The following CDH12 variants were observed in gnomAD, a reference collection of about 807,000 sequenced individuals.
CDH12 encodes the protein cadherin-12.
CDH12 carries 41 observed loss-of-function variants against 74.1 expected under a neutral mutation model. That is an observed-to-expected ratio of 0.55 (90% CI 0.43 to 0.72). CDH12 has a LOEUF of 0.72. Ranked by LOEUF, CDH12 falls within the 30% of genes least tolerant of loss-of-function variation. CDH12 has a pLI of 0.00. For missense variants in CDH12, 945 were observed against 977.2 expected (o/e 0.97, Z 0.44); for synonymous variants, 399 against 355.0 (o/e 1.12, Z -1.39).
chr5:22,506,212 A>G (rs1420946570), intron 1 of CDH12, among the ~76,000 whole-genome samples: 1 of 152,126 alleles, frequency 6.6e-6, no homozygotes, highest in Admixed American at 6.6e-5. Context: ...GTCAAGGGAT[A>G]CAGAGTTAAG....
At chr5:21,927,010 T>A (rs1579973560) in intron 6 of CDH12, among the ~76,000 whole-genome samples, 1 of 152,256 alleles carries the variant, frequency 6.6e-6, no homozygotes, top group Non-Finnish European at 1.5e-5. Context: ...GGAAATTTCT[T>A]GGGATAACCA....
chr5:22,399,023 T>C (rs1486047237), intron 3 of CDH12, among the ~76,000 whole-genome samples: 2 of 152,108 alleles, frequency 1.3e-5, no homozygotes, highest in Admixed American at 6.6e-5. Context: ...AGAGGTTTTT[T>C]GTTTTGTTTT....
At chr5:22,283,761 A>AT (rs1236846407) in intron 3 of CDH12, among the ~76,000 whole-genome samples, 1 of 152,150 alleles carries the variant, frequency 6.6e-6, no homozygotes, top group East Asian at 1.9e-4. Context: ...TAGATCTTTA[A>AT]TGTTTTTACC....
chr5:22,738,077 G>T (rs886835425), intron 1 of CDH12, among the ~76,000 whole-genome samples: 1 of 151,960 alleles, frequency 6.6e-6, no homozygotes, highest in Non-Finnish European at 1.5e-5. Context: ...TGAGAGCCCA[G>T]TCAGAGTTGA....
rs969982313 is a variant in CDH12 at position 21,765,188 on chromosome 5, C to G, written c.1394-89G>C. 7.8e-6 allele frequency: 9 copies of G among 1,147,344 alleles called. No individual in the cohort carries two copies. In the East Asian group the frequency reaches 2.6e-4, roughly 33 times the overall value. 71.1% of individuals were successfully genotyped at this position (1,147,344 alleles called of 1,614,324 possible). A position where few individuals can be genotyped will look rare whatever the true frequency, so the allele number is the denominator to read the frequency against. Reference sequence around the variant, plus strand: ...AAATAGTATTTACATTTTTAAAAATCAGCCTTTATATAGAATGAAAAAAAA... The same window carrying G: ...AAATAGTATTTACATTTTTAAAAATGAGCCTTTATATAGAATGAAAAAAAA... On this transcript the variant is annotated intron_variant, in intron 11 of 14. Coordinates refer to ENST00000382254, the MANE Select transcript of CDH12 (RefSeq NM_004061.5).
At chr5:21,972,780 G>A (rs1300192099) in intron 6 of CDH12, among the ~76,000 whole-genome samples, 2 of 152,064 alleles carry the variant, frequency 1.3e-5, no homozygotes, top group African/African-American at 2.4e-5. Context: ...TTCATAAGCA[G>A]TGTTTATACC....
chr5:22,156,293 A>G (rs1323201185), intron 4 of CDH12, among the ~76,000 whole-genome samples: 1 of 152,134 alleles, frequency 6.6e-6, no homozygotes, highest in Non-Finnish European at 1.5e-5. Context: ...AAATGGCCCA[A>G]CTAATGAAAG....
intron 1 of CDH12, among the ~76,000 whole-genome samples, chr5:22,763,415 AC>A (rs1177429591): frequency 6.6e-6 from 1 of 151,972 alleles, no homozygotes; most frequent in African/African-American, 2.4e-5. Context: ...ATTATCATGT[AC>A]ATAATTTAAT....
rs1561472988 is a variant in CDH12 at position 22,532,368 on chromosome 5, T to TGTATATGTATGTATACATATAC, written c.-522-27005_-522-27004insGTATATGTATACATACATATAC. Among the ~76,000 whole-genome samples, 129 of 86,984 alleles carry TGTATATGTATGTATACATATAC rather than the reference T, an allele frequency of 1.5e-3. 9 individuals are homozygous for TGTATATGTATGTATACATATAC. Among genetic ancestry groups the TGTATATGTATGTATACATATAC allele is most frequent in the African/African-American group, 5.3e-3 (125 of 23,780 alleles). 57.1% of individuals were successfully genotyped at this position (86,984 alleles called of 152,430 possible). ...TAAATAGGATATATATATATATATATATATATATATGTATGTATCCTATTT... is the reference window on the plus strand; with the variant it reads ...TAAATAGGATATATATATATATATATGTATATGTATGTATACATATACATATATATATGTATGTATCCTATTT... On this transcript the variant is annotated intron_variant, in intron 1 of 14. Transcript: ENST00000382254.
At chr5:22,500,965 G>A (rs1174176358) in intron 2 of CDH12, among the ~76,000 whole-genome samples, 1 of 151,188 alleles carries the variant, frequency 6.6e-6, no homozygotes, top group Non-Finnish European at 1.5e-5. Flanking sequence ...GTATTTCCTT[G>A]CTTCTGTACT....
chr5:22,145,582 T>C (rs572585621), intron 4 of CDH12, among the ~76,000 whole-genome samples: 24 of 152,220 alleles, frequency 1.6e-4, no homozygotes, highest in African/African-American at 5.8e-4. Flanking sequence ...ACACACAATA[T>C]ATCAATTTTT....
At chr5:21,856,237 A>G (rs1419291890) in intron 6 of CDH12, among the ~76,000 whole-genome samples, 4 of 151,678 alleles carry the variant, frequency 2.6e-5, no homozygotes, top group Non-Finnish European at 4.4e-5. Context: ...CTACCTTTCT[A>G]TAATCCTGTA....
At chr5:21,862,288 T>A (rs1212346248) in intron 6 of CDH12, among the ~76,000 whole-genome samples, 1 of 152,150 alleles carries the variant, frequency 6.6e-6, no homozygotes, top group African/African-American at 2.4e-5. Flanking sequence ...ATAATCATCT[T>A]TTATTTATTT....
chr5:22,554,974 G>T (rs1205042237), intron 1 of CDH12, among the ~76,000 whole-genome samples: 1 of 152,038 alleles, frequency 6.6e-6, no homozygotes, highest in Non-Finnish European at 1.5e-5. Context: ...TACCCAAAGA[G>T]CATGAAGAAA....
chr5:22,230,624 C>G (rs1752351026), intron 3 of CDH12, among the ~76,000 whole-genome samples: 2 of 151,850 alleles, frequency 1.3e-5, no homozygotes, highest in African/African-American at 4.8e-5. Context: ...GTGCACGCCA[C>G]CATGCCCAGC....
chr5:22,714,483 T>A (rs1048666110), intron 1 of CDH12, among the ~76,000 whole-genome samples: 5 of 152,180 alleles, frequency 3.3e-5, no homozygotes, highest in Non-Finnish European at 5.9e-5. Flanking sequence ...AATAATTAGA[T>A]AAATATGCTC....
At chr5:21,969,839 A>C (rs927166532) in intron 6 of CDH12, among the ~76,000 whole-genome samples, 15 of 152,348 alleles carry the variant, frequency 9.8e-5, no homozygotes, top group African/African-American at 3.6e-4. Flanking sequence ...GGCCCACCCA[A>C]TAGAACATAA....
intron 1 of CDH12, among the ~76,000 whole-genome samples, chr5:22,689,166 A>G (rs16898157): frequency 0.016 from 2,407 of 152,274 alleles, 40 homozygotes; most frequent in Middle Eastern, 0.058. Flanking sequence ...AGGATATTTC[A>G]ATTACTTGGA....
At chr5:22,281,401 AG>A (rs1489377011) in intron 3 of CDH12, among the ~76,000 whole-genome samples, 4 of 152,282 alleles carry the variant, frequency 2.6e-5, no homozygotes, top group African/African-American at 9.6e-5. Context: ...AAATAAATAA[AG>A]GGTATTCAAA....
Sources: gnomAD v4.1 joint callset for allele counts (sites outside exome capture counted in the v4.1 genomes callset) on GRCh38, gnomAD v4.1.1 for gene constraint, MANE v1.5 for transcripts, NCBI Gene and HGNC (gene_info 2026-07-23, HGNC 2026-07-21) for gene names.